Variants in RBMS3 observed in about 807,000 individuals in gnomAD.
RBMS3 encodes RNA-binding motif, single-stranded-interacting protein 3.
Under a neutral mutation model 66.8 loss-of-function variants are expected in RBMS3, and 27 were observed. That is an observed-to-expected ratio of 0.40 (90% CI 0.30 to 0.56). The LOEUF is 0.56. RBMS3 is among the 20% of genes least tolerant of loss of function. RBMS3 has a pLI of 0.40. For missense variants in RBMS3, 513 were observed against 549.5 expected, an observed-to-expected ratio of 0.93 and a Z score of 0.66; for synonymous variants, 188 against 183.0, an observed-to-expected ratio of 1.03 and a Z score of -0.22.
At chr3:29,447,109 C>T (rs2041860859) in intron 2 of RBMS3, among the ~76,000 whole-genome samples, 1 of 151,828 alleles carries the variant, frequency 6.6e-6, no homozygotes, top group African/African-American at 2.4e-5. Context: ...GACGGGGTTT[C>T]ACCATGTTGG....
chr3:29,813,604 AC>A (rs2057787201), intron 6 of RBMS3, among the ~76,000 whole-genome samples: 1 of 151,982 alleles, frequency 6.6e-6, no homozygotes, highest in South Asian at 2.1e-4. Context: ...GATTCTTCCT[AC>A]CCATGAGCAT....
chr3:29,882,375 C>A (rs995258815), intron 7 of RBMS3, among the ~76,000 whole-genome samples: 2 of 152,076 alleles, frequency 1.3e-5, no homozygotes, highest in African/African-American at 2.4e-5. Context: ...ATTTCTCAGT[C>A]CCCCAGCTTG....
At chr3:29,925,851 T>G (rs1559806397) in intron 10 of RBMS3, among the ~76,000 whole-genome samples, 1 of 152,176 alleles carries the variant, frequency 6.6e-6, no homozygotes, top group Non-Finnish European at 1.5e-5. Flanking sequence ...TTAAGAACAT[T>G]CTATTAAACT....
chr3:29,753,773 C>G (rs928435474), intron 5 of RBMS3, among the ~76,000 whole-genome samples: 1 of 151,870 alleles, frequency 6.6e-6, no homozygotes, highest in African/African-American at 2.4e-5. Context: ...TAAAAAAGAC[C>G]CAGTGAGAGG....
intron 2 of RBMS3, among the ~76,000 whole-genome samples, chr3:29,475,873 A>T (rs1335355009): frequency 6.6e-6 from 1 of 151,526 alleles, no homozygotes; most frequent in Non-Finnish European, 1.5e-5. Flanking sequence ...AAGCTTATTA[A>T]AAAAAAGAGT....
intron 14 of RBMS3, among the ~76,000 whole-genome samples, chr3:29,995,563 C>G (rs1699172900): frequency 6.8e-6 from 1 of 147,938 alleles, no homozygotes; most frequent in Non-Finnish European, 1.5e-5. Context: ...AACAGCGGAT[C>G]TCTCAGCAGA....
At chr3:29,625,623 G>A (rs987934253) in intron 4 of RBMS3, among the ~76,000 whole-genome samples, 3 of 151,878 alleles carry the variant, frequency 2.0e-5, no homozygotes, top group Non-Finnish European at 4.4e-5. Flanking sequence ...ACTTGAACCT[G>A]GGAGGTGGGG....
intron 4 of RBMS3, among the ~76,000 whole-genome samples, chr3:29,639,017 G>A (rs866242850): frequency 4.0e-5 from 6 of 151,376 alleles, no homozygotes; most frequent in African/African-American, 7.3e-5. Context: ...TTCTTTTATC[G>A]TATTGTATTT....
At chr3:29,701,540 C>T (rs551801163) in intron 4 of RBMS3, among the ~76,000 whole-genome samples, 27 of 152,038 alleles carry the variant, frequency 1.8e-4, no homozygotes, top group Non-Finnish European at 2.6e-4. Flanking sequence ...TGGCAGAGGT[C>T]GGAGCCAGCT....
At chr3:29,347,543 G>T (rs985108755) in intron 1 of RBMS3, among the ~76,000 whole-genome samples, 4 of 152,096 alleles carry the variant, frequency 2.6e-5, no homozygotes, top group African/African-American at 7.2e-5. Context: ...ATTCGCGATG[G>T]GGGGAAAATG....
chr3:29,419,611 C>T (rs1247778819), intron 1 of RBMS3, among the ~76,000 whole-genome samples: 1 of 152,066 alleles, frequency 6.6e-6, no homozygotes, highest in African/African-American at 2.4e-5. Context: ...ACAAAACTAT[C>T]ATTATAGTAA....
chr3:29,600,683 G>A (rs913085594), intron 4 of RBMS3, among the ~76,000 whole-genome samples: 2 of 152,068 alleles, frequency 1.3e-5, no homozygotes, highest in South Asian at 2.1e-4. Context: ...AATCCTGCTC[G>A]ACAAAGTCTC....
intron 10 of RBMS3, among the ~76,000 whole-genome samples, chr3:29,920,754 T>A (rs897379554): frequency 3.3e-5 from 5 of 151,268 alleles, no homozygotes; most frequent in Non-Finnish European, 5.9e-5. Flanking sequence ...GGCAGGCAGA[T>A]CTCGAGGTCA....
At chr3:29,947,291 G>A (rs2149709348) in intron 12 of RBMS3, among the ~76,000 whole-genome samples, 1 of 151,718 alleles carries the variant, frequency 6.6e-6, no homozygotes, top group East Asian at 1.9e-4. Context: ...AGTGACTAAT[G>A]AAGTGGGGGT....
intron 5 of RBMS3, among the ~76,000 whole-genome samples, chr3:29,747,448 A>AGATG (rs201008802): frequency 7.3e-6 from 1 of 136,242 alleles, no homozygotes; most frequent in Non-Finnish European, 1.6e-5. Context: ...ATAGATAGAT[A>AGATG]GATGTCAGGT....
At chr3:29,392,344 A>G (rs2039339220) in intron 1 of RBMS3, among the ~76,000 whole-genome samples, 1 of 152,216 alleles carries the variant, frequency 6.6e-6, no homozygotes, top group Non-Finnish European at 1.5e-5. Context: ...TGTGTATGAT[A>G]CTACCTGAAA....
At chr3:29,977,349 A>G (rs148600731) in intron 12 of RBMS3, among the ~76,000 whole-genome samples, 122 of 152,282 alleles carry the variant, frequency 8.0e-4, no homozygotes, top group Non-Finnish European at 1.6e-3. Context: ...CAGGAAATAT[A>G]TAAAATATGT....
chr3:29,326,498 G>C (rs2035343245), intron 1 of RBMS3, among the ~76,000 whole-genome samples: 1 of 152,104 alleles, frequency 6.6e-6, no homozygotes, highest in African/African-American at 2.4e-5. Flanking sequence ...GCTTATTTAT[G>C]TTTCCATGGT....
intron 6 of RBMS3, among the ~76,000 whole-genome samples, chr3:29,838,351 A>T (rs957290349): frequency 1.3e-5 from 2 of 152,054 alleles, no homozygotes; most frequent in African/African-American, 2.4e-5. Context: ...AATAAATAAA[A>T]TAAATAAATA....
Sources: allele counts gnomAD v4.1 joint callset (sites outside exome capture counted in the v4.1 genomes callset), GRCh38; gene constraint gnomAD v4.1.1; transcripts MANE v1.5; gene names NCBI Gene and HGNC (gene_info 2026-07-23, HGNC 2026-07-21).